Variants in NALCN observed in about 807,000 individuals in gnomAD.
NALCN encodes the protein sodium leak channel, non-selective.
In NALCN, 111 loss-of-function variants were observed where a neutral mutation model predicts 225.3. The observed-to-expected ratio is 0.49, with a 90% CI of 0.42 to 0.58. The LOEUF (loss-of-function observed/expected upper bound fraction) is 0.58. Ranked by LOEUF, NALCN falls within the 20% of genes least tolerant of loss-of-function variation. NALCN has a pLI of 0.00. For missense variants in NALCN, 1,378 were observed against 2,202.4 expected, an observed-to-expected ratio of 0.63 and a Z score of 7.49; for synonymous variants, 764 against 769.0, an observed-to-expected ratio of 0.99 and a Z score of 0.11.
chr13:101,198,520 G>C (rs934944978), intron 13 of NALCN, among the ~76,000 whole-genome samples: 1 of 152,170 alleles, frequency 6.6e-6, no homozygotes, highest in Admixed American at 6.5e-5. Context: ...CATTTATGCA[G>C]CCAACAGACA....
chr13:101,055,351 T>C lies in NALCN; in HGVS notation c.5161A>G (p.Thr1721Ala). 1 of 1,614,088 alleles carries C rather than the reference T, an allele frequency of 6.2e-7. No homozygotes were observed. The highest frequency in any genetic ancestry group is 1.1e-5 in the South Asian group (1 of 91,054). Reference protein sequence around the residue: ...SCGSEVKKWWTRQLTVESDES... With the variant: ...SCGSEVKKWWARQLTVESDES... ...TCGCTCTCCACAGTCAGCTGCCGGG[T>C]CCACCACTTCTTAACTTCAGAACCG... Residue 1721 changes from threonine to alanine, a missense_variant, in exon 44 of 44, where the codon ACC becomes GCC. Around this residue, in one of 19 missense-constraint regions of NALCN, gnomAD observed 145 missense variants for 169.6 expected, o/e 0.85. Coordinates refer to ENST00000251127, the MANE Select transcript of NALCN (RefSeq NM_052867.4).
chr13:101,281,688 G>T (rs1489304986), intron 10 of NALCN, among the ~76,000 whole-genome samples: 2 of 152,026 alleles, frequency 1.3e-5, no homozygotes, highest in Non-Finnish European at 2.9e-5. Context: ...AAATGAAAAG[G>T]CAGTCTATGG....
At chr13:101,377,119 A>T in intron 4 of NALCN, 63 bp from the exon 5 acceptor site, 1 of 1,602,590 alleles carries the variant, frequency 6.2e-7, no homozygotes, top group South Asian at 1.1e-5. Context: ...ATAGTCATGG[A>T]ACATACAGAT....
chr13:101,079,055 G>A (rs1175983601), intron 34 of NALCN, among the ~76,000 whole-genome samples: 1 of 152,200 alleles, frequency 6.6e-6, no homozygotes, highest in African/African-American at 2.4e-5. Context: ...GGATGTGTTT[G>A]CTTCCCTTTC....
intron 7 of NALCN, among the ~76,000 whole-genome samples, chr13:101,333,508 C>A (rs2045259203): frequency 6.6e-6 from 1 of 152,146 alleles, no homozygotes; most frequent in Admixed American, 6.5e-5. Flanking sequence ...TGACCAACTT[C>A]TTTTTCATAG....
intron 15 of NALCN, among the ~76,000 whole-genome samples, chr13:101,164,168 A>G (rs1424420898): frequency 1.3e-5 from 2 of 152,254 alleles, no homozygotes; most frequent in Non-Finnish European, 2.9e-5. Context: ...TTTGAGGGAC[A>G]GAATTCCACT....
At chr13:101,204,184 C>T (rs2140051073) in intron 13 of NALCN, among the ~76,000 whole-genome samples, 1 of 152,198 alleles carries the variant, frequency 6.6e-6, no homozygotes, top group African/African-American at 2.4e-5. Flanking sequence ...AGTCAATTAC[C>T]TTTATGTTAA....
rs570877191 is a variant in NALCN at position 101,400,274 on chromosome 13, G to A, written c.-39-1109C>T. 7.9e-5 allele frequency among the ~76,000 whole-genome samples: 12 copies of A among 152,242 alleles called. No homozygotes were observed. The East Asian group carries it at 2.1e-3, about 27-fold the overall frequency. ...CAAGCAAACTTGAAATTTAAAATAA[G>A]CTCTGTTTGACTACAATGTGTAAGG... On this transcript the variant is annotated intron_variant, in intron 1 of 43. Coordinates refer to ENST00000251127, the MANE Select transcript of NALCN (RefSeq NM_052867.4).
At chr13:101,199,934 T>C (rs1305839438) in intron 13 of NALCN, among the ~76,000 whole-genome samples, 2 of 152,140 alleles carry the variant, frequency 1.3e-5, no homozygotes, top group Non-Finnish European at 2.9e-5. Flanking sequence ...GCCAGCCCTT[T>C]GCATGCTCCT....
intron 10 of NALCN, among the ~76,000 whole-genome samples, chr13:101,269,526 G>C (rs1019331466): frequency 2.0e-5 from 3 of 151,934 alleles, no homozygotes; most frequent in African/African-American, 7.2e-5. Context: ...ACTCCTAAAA[G>C]AGGGATGCTG....
intron 7 of NALCN, among the ~76,000 whole-genome samples, chr13:101,322,560 C>G (rs1488457597): frequency 6.6e-6 from 1 of 152,144 alleles, no homozygotes; most frequent in Non-Finnish European, 1.5e-5. Context: ...CATTTGAAGT[C>G]TAATATCGTA....
intron 30 of NALCN, among the ~76,000 whole-genome samples, chr13:101,088,901 CTTTT>C (rs1413413301): frequency 1.3e-4 from 11 of 85,112 alleles, no homozygotes; most frequent in African/African-American, 7.3e-4. Flanking sequence ...ATCTTTTTTT[CTTTT>C]TTTTCTTTTT....
rs114979452 is a variant in NALCN at position 101,391,469 on chromosome 13, G to A, written c.291+3714C>T. On this transcript the variant is annotated intron_variant, in intron 3 of 43. Coordinates refer to ENST00000251127, the MANE Select transcript of NALCN (RefSeq NM_052867.4). The stretch of plus-strand genomic sequence containing the variant: ...AGGCCGAGGTGGGAGGATCGCTTGA[G>A]TCTGGGAGTTGGAGACCAGCCTGGG... Among the ~76,000 whole-genome samples the A allele has an allele frequency of 5.1e-3, 759 of 149,418 alleles. 7 individuals are homozygous for A. Among genetic ancestry groups the A allele is most frequent in the African/African-American group, 0.018 (721 of 40,622 alleles).
chr13:101,387,083 C>T (rs199648491), intron 3 of NALCN, among the ~76,000 whole-genome samples: 4,789 of 150,548 alleles, frequency 0.032, 114 homozygotes, highest in East Asian at 0.11. Flanking sequence ...TAGCCGGGCG[C>T]GGTGGCGGGC....
At chr13:101,082,955 C>T in intron 32 of NALCN, 72 bp from the exon 33 acceptor site, 2 of 1,588,788 alleles carry the variant, frequency 1.3e-6, no homozygotes, top group Admixed American at 1.7e-5. Flanking sequence ...CTCTTCTGCC[C>T]ACTTTGCCAT....
intron 13 of NALCN, among the ~76,000 whole-genome samples, chr13:101,201,974 A>T (rs2040141031): frequency 6.6e-6 from 1 of 152,204 alleles, no homozygotes; most frequent in Admixed American, 6.5e-5. Flanking sequence ...GATGGTATTC[A>T]CTGAGTGCAA....
At chr13:101,291,574 A>G (rs1215143557) in intron 9 of NALCN, among the ~76,000 whole-genome samples, 5 of 151,772 alleles carry the variant, frequency 3.3e-5, no homozygotes, top group African/African-American at 9.7e-5. Context: ...TGGGGATAGG[A>G]TCTTGCTCTG....
intron 12 of NALCN, among the ~76,000 whole-genome samples, chr13:101,236,483 C>A (rs1478163840): frequency 2.6e-5 from 4 of 152,044 alleles, no homozygotes; most frequent in South Asian, 2.1e-4. Flanking sequence ...TTGCGGCACT[C>A]TTCACAATAG....
At chr13:101,171,261 T>TAG (rs71649043) in intron 15 of NALCN, among the ~76,000 whole-genome samples, 1 of 85,744 alleles carries the variant, frequency 1.2e-5, no homozygotes, top group Non-Finnish European at 3.3e-5. Context: ...ATGTATAATT[T>TAG]ATGTCATGTA....
Sources: gnomAD v4.1 joint callset for allele counts (sites outside exome capture counted in the v4.1 genomes callset) on GRCh38, gnomAD v4.1.1 for gene constraint, gnomAD v4.1.1 regional missense constraint, MANE v1.5 for transcripts, NCBI Gene and HGNC (gene_info 2026-07-23, HGNC 2026-07-21) for gene names.